The following NELL1 variants were observed in gnomAD, a reference collection of about 807,000 sequenced individuals.
NELL1 encodes neural EGFL like 1, also known as protein kinase C-binding protein NELL1.
NELL1 carries 76 observed loss-of-function variants against 107.4 expected under a neutral mutation model. That is an observed-to-expected ratio of 0.71 (90% CI 0.59 to 0.86). The LOEUF is 0.86. NELL1 is among the 40% of genes least tolerant of loss of function. NELL1 has a pLI of 0.00. For synonymous variants in NELL1, 353 were observed against 341.2 expected (o/e 1.03, Z -0.38); for missense variants, 1,024 against 1,005.5 (o/e 1.02, Z -0.25).
At chr11:21,283,350 T>C (rs1849040300) in intron 14 of NELL1, among the ~76,000 whole-genome samples, 1 of 152,088 alleles carries the variant, frequency 6.6e-6, no homozygotes. Flanking sequence ...AATTAAAAAA[T>C]AAGATAGAAC....
At chr11:21,417,460 C>T (rs144223665) in intron 15 of NELL1, among the ~76,000 whole-genome samples, 147 of 151,250 alleles carry the variant, frequency 9.7e-4, no homozygotes, top group African/African-American at 3.4e-3. Flanking sequence ...TCAGATTCAT[C>T]GTTTAAGGGG....
intron 4 of NELL1, among the ~76,000 whole-genome samples, chr11:20,857,358 G>A (rs1396643413): frequency 4.6e-5 from 7 of 152,142 alleles, no homozygotes; most frequent in Admixed American, 1.3e-4. Flanking sequence ...CACTCCCCTC[G>A]AACCTCAGCA....
At chr11:20,677,764 C>T (rs1854094641) in intron 1 of NELL1, among the ~76,000 whole-genome samples, 168 bp from the exon 2 acceptor site, 3 of 152,046 alleles carry the variant, frequency 2.0e-5, no homozygotes, top group Admixed American at 6.6e-5. Flanking sequence ...ACAGTATTAG[C>T]GGGGTAAGGG....
chr11:20,997,955 G>A (rs1852127967), intron 12 of NELL1, among the ~76,000 whole-genome samples: 1 of 152,050 alleles, frequency 6.6e-6, no homozygotes, highest in Non-Finnish European at 1.5e-5. Flanking sequence ...CTGGGTGATA[G>A]ACCAAGACCC....
intron 13 of NELL1, among the ~76,000 whole-genome samples, chr11:21,207,206 G>A (rs1403438305): frequency 2.6e-5 from 4 of 152,182 alleles, no homozygotes; most frequent in Non-Finnish European, 5.9e-5. Flanking sequence ...CTTGCCTGGT[G>A]TGCTACTGGA....
intron 15 of NELL1, among the ~76,000 whole-genome samples, chr11:21,408,262 G>T (rs1852282905): frequency 6.6e-6 from 1 of 152,006 alleles, no homozygotes; most frequent in African/African-American, 2.4e-5. Context: ...TCTCATAGGA[G>T]CTTCTAACTA....
intron 12 of NELL1, among the ~76,000 whole-genome samples, chr11:21,090,913 G>A (rs1854506016): frequency 6.6e-6 from 1 of 152,158 alleles, no homozygotes; most frequent in Admixed American, 6.5e-5. Flanking sequence ...AATAGACTTG[G>A]ATTTCAACCC....
chr11:21,159,867 C>T (rs1195076986), intron 13 of NELL1, among the ~76,000 whole-genome samples: 2 of 152,186 alleles, frequency 1.3e-5, no homozygotes, highest in Admixed American at 6.5e-5. Context: ...GCTGAGCCAC[C>T]TACTATGTTC....
chr11:20,677,871 AC>A (rs1271088379), intron 1 of NELL1, 60 bp from the exon 2 acceptor site: 33 of 1,596,732 alleles, frequency 2.1e-5, no homozygotes, highest in Non-Finnish European at 2.7e-5. Context: ...CGACTCTGTA[AC>A]CTCTGAATGC....
At chr11:21,229,483 T>C in intron 14 of NELL1, 29 bp downstream of exon 14, 1 of 1,612,556 alleles carries the variant, frequency 6.2e-7, no homozygotes, top group Non-Finnish European at 8.5e-7. Context: ...TGTTGAGTTG[T>C]GAGCAGCCAT....
intron 15 of NELL1, among the ~76,000 whole-genome samples, chr11:21,422,225 G>A (rs1210952835): frequency 1.3e-5 from 2 of 152,044 alleles, no homozygotes; most frequent in Non-Finnish European, 2.9e-5. Context: ...AAATCTTAAA[G>A]GAAGTCTTAC....
chr11:21,238,011 G>A (rs887402435), intron 14 of NELL1, among the ~76,000 whole-genome samples: 3 of 151,918 alleles, frequency 2.0e-5, no homozygotes, highest in South Asian at 2.1e-4. Flanking sequence ...AATCAATCAC[G>A]TACTTGAAAT....
In NELL1 at chr11:21,211,865, G is replaced by A. The variant is rs936258566; in HGVS notation, c.1427-17467G>A. 8.6e-5 allele frequency among the ~76,000 whole-genome samples: 13 copies of A among 151,858 alleles called. 1 individual carries two copies. Among genetic ancestry groups the A allele is most frequent in the African/African-American group, 2.9e-4 (12 of 41,322 alleles). On this transcript the variant is annotated intron_variant, in intron 13 of 19. Coordinates refer to ENST00000357134, the MANE Select transcript of NELL1 (RefSeq NM_006157.5). ...TTTTGAGATGGAGTCTCTCTCTGTC[G>A]CCTAGGCTGGAGTGTAGTGGTGTGA...
At chr11:21,125,614 C>T (rs1013005656) in intron 13 of NELL1, among the ~76,000 whole-genome samples, 1 of 152,128 alleles carries the variant, frequency 6.6e-6, no homozygotes, top group African/African-American at 2.4e-5. Context: ...GAGTTACAGG[C>T]ATTAAATGCT....
chr11:20,986,187 G>A (rs545558001), intron 12 of NELL1, among the ~76,000 whole-genome samples: 14 of 152,222 alleles, frequency 9.2e-5, no homozygotes, highest in Admixed American at 7.8e-4. Flanking sequence ...ACAAGCCAGG[G>A]AGCCTTCAGC....
intron 1 of NELL1, chr11:20,670,493 G>GGATGA (rs1853874083): frequency 6.6e-6 from 1 of 150,988 alleles, no homozygotes; most frequent in East Asian, 2.0e-4. Context: ...GGAGGGGGGA[G>GGATGA]CAAGGATGAC....
Position 21,575,077 on chromosome 11 carries a change from A to C in NELL1, c.*55A>C. On this transcript the variant is annotated 3_prime_UTR_variant, in exon 20 of 20. Transcript: ENST00000357134. ...ATGGACGAAATGACCATCCAACGTG[A>C]TTAAGGATAGGAATCGGTAGTTTGG... is the stretch of plus-strand genomic sequence containing the variant. The C allele has an allele frequency of 7.0e-7, 1 of 1,435,634 alleles. No homozygotes were observed. The allele number at this position is 1,435,634 out of a possible 1,614,324, so 88.9% of individuals were successfully genotyped here.
intron 12 of NELL1, among the ~76,000 whole-genome samples, chr11:21,056,667 C>T (rs928493007): frequency 1.3e-5 from 2 of 152,120 alleles, no homozygotes; most frequent in Admixed American, 1.3e-4. Flanking sequence ...CTTTAGCAAG[C>T]TCTTTTCTCC....
chr11:20,841,730 TAG>T (rs1176468622), intron 3 of NELL1, among the ~76,000 whole-genome samples: 9 of 152,160 alleles, frequency 5.9e-5, no homozygotes, highest in Non-Finnish European at 1.3e-4. Flanking sequence ...AAAAAGGTTA[TAG>T]GCCTCATCTT....
Sources: gnomAD v4.1 joint callset for allele counts (sites outside exome capture counted in the v4.1 genomes callset) on GRCh38, gnomAD v4.1.1 for gene constraint, MANE v1.5 for transcripts, NCBI Gene and HGNC (gene_info 2026-07-23, HGNC 2026-07-21) for gene names.